RHAG: variants seen among roughly 807,000 people sequenced by gnomAD.
RHAG encodes Rh associated glycoprotein, also known as ammonium transporter Rh type A.
A neutral mutation model predicts 42.4 loss-of-function variants in RHAG; 25 were observed. That is an observed-to-expected ratio of 0.59 (90% CI 0.43 to 0.82). The LOEUF is 0.82. Among genes scored for constraint, RHAG ranks in the 40% least tolerant of loss-of-function variants. The pLI is 0.00. For synonymous variants in RHAG, 182 were observed against 177.7 expected (o/e 1.02, Z -0.19); for missense variants, 483 against 504.6 (o/e 0.96, Z 0.41).
chr6:49,633,600 T>C (rs1762965385), intron 1 of RHAG, among the ~76,000 whole-genome samples: 1 of 152,120 alleles, frequency 6.6e-6, no homozygotes, highest in Non-Finnish European at 1.5e-5. Flanking sequence ...GAGAGAACTT[T>C]TAATTGTGAA....
In RHAG at chr6:49,622,801, C is replaced by A. The variant is rs1311779142; in HGVS notation, c.158-3439G>T. On this transcript the variant is annotated intron_variant, in intron 1 of 9. Transcript: ENST00000371175. ...TGGAACAATTATTCTGCAGATTTCA[C>A]CCCCCTTCCCCTTTGATGGAAAACC... Among the ~76,000 whole-genome samples, 8 of 151,984 alleles carry A rather than the reference C, an allele frequency of 5.3e-5. No homozygotes were observed. The South Asian group carries it at 1.2e-3, about 24-fold the overall frequency.
chr6:49,622,898 C>G (rs1416846980), intron 1 of RHAG, among the ~76,000 whole-genome samples: 2 of 148,956 alleles, frequency 1.3e-5, no homozygotes, highest in African/African-American at 2.5e-5. Flanking sequence ...TGCAGTGGCG[C>G]TATCTCGGCT....
At chr6:49,617,990 T>C (rs1318534948) in intron 3 of RHAG, 78 bp downstream of exon 3, 14 of 1,319,778 alleles carry the variant, frequency 1.1e-5, no homozygotes, top group Admixed American at 7.2e-5. Context: ...TGCTCCCATA[T>C]ACCGTAGACA....
chr6:49,605,922 T>C, intron 9 of RHAG, 92 bp from the exon 10 acceptor site: 1 of 1,058,570 alleles, frequency 9.4e-7, no homozygotes, highest in Non-Finnish European at 1.5e-6. Context: ...TTGGTAATTA[T>C]TATTCAAGCT....
Position 49,612,448 on chromosome 6 carries a change from A to C in RHAG, c.894T>G (p.Ile298Met), listed in dbSNP as rs139632084. 1 of 1,614,074 alleles carries C rather than the reference A, an allele frequency of 6.2e-7. No homozygotes were observed. The highest frequency in any genetic ancestry group is 8.5e-7 in the Non-Finnish European group (1 of 1,179,932). Reference sequence around the variant, plus strand: ...AGACCATTCCTGCAATGCTCCCAATAATCATAGAACCAAATGGGTGAATTG... The same window carrying C: ...AGACCATTCCTGCAATGCTCCCAATCATCATAGAACCAAATGGGTGAATTG... ...DMAIHPFGSM[I>M]IGSIAGMVSV... The change falls in exon 6 of 10, where the codon ATT (isoleucine) becomes ATG (methionine). Residue 298 changes from isoleucine to methionine, a missense_variant. Transcript: ENST00000371175.
At chr6:49,606,965 A>G (rs768279634) in intron 8 of RHAG, 44 bp from the exon 9 acceptor site, 12 of 1,423,806 alleles carry the variant, frequency 8.4e-6, no homozygotes, top group Non-Finnish European at 1.2e-5. Context: ...GACGCTGAAG[A>G]GGAAAATCTA....
chr6:49,605,883 C>A, intron 9 of RHAG, 53 bp from the exon 10 acceptor site: 2 of 1,425,878 alleles, frequency 1.4e-6, no homozygotes, highest in South Asian at 2.3e-5. Context: ...CTGTTCTTGT[C>A]AGAAATTAGT....
chr6:49,628,925 C>T (rs1342551357), intron 1 of RHAG, among the ~76,000 whole-genome samples: 1 of 152,134 alleles, frequency 6.6e-6, no homozygotes, highest in East Asian at 1.9e-4. Flanking sequence ...GGAAGGGGAC[C>T]AGAGTGGGTT....
At chr6:49,617,940 T>A (rs1430600983) in intron 3 of RHAG, 128 bp downstream of exon 3, 78 of 786,116 alleles carry the variant, frequency 9.9e-5, no homozygotes, top group Non-Finnish European at 1.3e-5. Flanking sequence ...AAATGATGGT[T>A]ATTGTTACTA....
At position 49,611,091 on chromosome 6, in the gene RHAG, G is replaced by T; in HGVS notation, c.1000C>A (p.His334Asn). The T allele has an allele frequency of 1.9e-6, 3 of 1,613,758 alleles. No homozygotes were observed. The highest frequency in any genetic ancestry group is 2.5e-6 in the Non-Finnish European group (3 of 1,179,812). Residue 334 changes from histidine to asparagine, a missense_variant, in exon 7 of 10, where the codon CAC (histidine) becomes AAC (asparagine). By Grantham distance (68) the His-to-Asn change is moderately conservative (BLOSUM62 1). Transcript: ENST00000371175. Reference sequence around the variant, plus strand: ...CCTCCCACTACACCAGGTAAGCCGTGGAGGTTATGGACCCCACATGTATCA... The same window carrying T: ...CCTCCCACTACACCAGGTAAGCCGTTGAGGTTATGGACCCCACATGTATCA... ...IHDTCGVHNLHGLPGVVGGLA... is the reference protein window; with the variant it reads ...IHDTCGVHNLNGLPGVVGGLA...
intron 7 of RHAG, among the ~76,000 whole-genome samples, chr6:49,609,502 C>T (rs3799675): frequency 0.22 from 33,975 of 152,140 alleles, 4,323 homozygotes; most frequent in Non-Finnish European, 0.3. Flanking sequence ...AGCTCATTCA[C>T]ACAGGCTTTT....
chr6:49,632,248 T>C (rs1762946125), intron 1 of RHAG: 1 of 152,180 alleles, frequency 6.6e-6, no homozygotes, highest in Non-Finnish European at 1.5e-5. Flanking sequence ...GAGTTGCTAA[T>C]TGAACAAGAA....
chr6:49,627,910 T>A (rs896730583), intron 1 of RHAG, among the ~76,000 whole-genome samples: 2 of 152,122 alleles, frequency 1.3e-5, no homozygotes, highest in Non-Finnish European at 2.9e-5. Context: ...TTATGGGAAC[T>A]ACAATTCAAG....
In RHAG at chr6:49,619,175, T is replaced by C. The variant is rs754658834; in HGVS notation, c.341+4A>G. On this transcript the variant is annotated splice_donor_region_variant and intron_variant, in intron 2 of 9. Transcript: ENST00000371175. Reference sequence around the variant, plus strand: ...AACATTCAGCCCACAGTAAGGATGCTCACTTTTTGATTCCAATGTTAAATT... The same window carrying C: ...AACATTCAGCCCACAGTAAGGATGCCCACTTTTTGATTCCAATGTTAAATT... The C allele has an allele frequency of 1.1e-5, 18 of 1,613,930 alleles. 1 individual carries two copies. In the Admixed American group the frequency reaches 3.0e-4, roughly 27 times the overall value.
chr6:49,636,215 C>T (rs1284047643), intron 1 of RHAG, among the ~76,000 whole-genome samples: 1 of 151,794 alleles, frequency 6.6e-6, no homozygotes, highest in African/African-American at 2.4e-5. Flanking sequence ...TACTAAATAC[C>T]CCTTCTTATT....
chr6:49,613,463 A>T (rs1301379545), intron 5 of RHAG, among the ~76,000 whole-genome samples: 1 of 152,174 alleles, frequency 6.6e-6, no homozygotes, highest in Non-Finnish European at 1.5e-5. Context: ...TTTAAAAGAG[A>T]AACACTGAAC....
chr6:49,626,107 C>T (rs1379663190), intron 1 of RHAG, among the ~76,000 whole-genome samples: 5 of 152,148 alleles, frequency 3.3e-5, no homozygotes, highest in Non-Finnish European at 7.3e-5. Context: ...TCTCATTTCG[C>T]TCCAGCCCCT....
intron 1 of RHAG, among the ~76,000 whole-genome samples, chr6:49,621,513 C>T (rs1562016551): frequency 6.6e-6 from 1 of 152,122 alleles, no homozygotes; most frequent in Non-Finnish European, 1.5e-5. Flanking sequence ...TGTTGATTCC[C>T]ATCCCATACC....
chr6:49,607,028 A>G (rs1562011325), intron 8 of RHAG, 107 bp from the exon 9 acceptor site: 2 of 1,199,606 alleles, frequency 1.7e-6, no homozygotes, highest in Non-Finnish European at 2.5e-6. Flanking sequence ...AAATGACATA[A>G]TTACTTTACT....
Sources: gnomAD v4.1 joint callset for allele counts (sites outside exome capture counted in the v4.1 genomes callset) on GRCh38, gnomAD v4.1.1 for gene constraint, MANE v1.5 for transcripts, NCBI Gene and HGNC (gene_info 2026-07-23, HGNC 2026-07-21) for gene names.